The following PTPRT variants were observed in gnomAD, a reference collection of about 807,000 sequenced individuals.
PTPRT encodes receptor-type tyrosine-protein phosphatase T.
In PTPRT, 56 loss-of-function variants were observed where a neutral mutation model predicts 176.8. That is an observed-to-expected ratio of 0.32 (90% CI 0.26 to 0.40). The LOEUF is 0.40. Ranked by LOEUF, PTPRT falls within the 10% of genes least tolerant of loss-of-function variation. PTPRT has a pLI of 1.00. For missense variants in PTPRT, 1,540 were observed against 1,908.2 expected (o/e 0.81, Z 3.60); for synonymous variants, 783 against 739.0 (o/e 1.06, Z -0.96).
chr20:42,141,825 A>G (rs2146416706), intron 18 of PTPRT, 90 bp downstream of exon 18: 3 of 1,221,544 alleles, frequency 2.5e-6, no homozygotes, highest in Non-Finnish European at 3.6e-6. Flanking sequence ...AGATTATTTG[A>G]TAACAAATTC....
chr20:42,926,438 T>C (rs151021511), intron 1 of PTPRT, among the ~76,000 whole-genome samples: 1 of 152,318 alleles, frequency 6.6e-6, no homozygotes, highest in African/African-American at 2.4e-5. Context: ...TTCACCCCAC[T>C]GTGCCTTATG....
chr20:42,073,243 A>C lies in PTPRT; in HGVS notation c.*7636T>G, dbSNP rs904234978. The C allele has an allele frequency of 2.1e-5, 4 of 189,508 alleles. No individual in the cohort carries two copies. Among genetic ancestry groups the C allele is most frequent in the Admixed American group, 1.2e-4 (2 of 16,224 alleles). 11.7% of individuals were successfully genotyped at this position (189,508 alleles called of 1,614,324 possible). On this transcript the variant is annotated 3_prime_UTR_variant, in exon 31 of 31. Coordinates refer to ENST00000373187, the MANE Select transcript of PTPRT (RefSeq NM_007050.6). ...TGTCCAGAAGCCAAGGCAATGGTAGAGGCCACAACTCTTTGTCTTTGATTG... is the reference window on the plus strand; with the variant it reads ...TGTCCAGAAGCCAAGGCAATGGTAGCGGCCACAACTCTTTGTCTTTGATTG...
chr20:42,189,054 T>G (rs889757137), intron 16 of PTPRT, among the ~76,000 whole-genome samples: 11 of 152,196 alleles, frequency 7.2e-5, no homozygotes, highest in Non-Finnish European at 1.6e-4. Context: ...TTACCCTTCC[T>G]GGAAAGTGAA....
chr20:42,810,853 C>T (rs1000392578), intron 2 of PTPRT, among the ~76,000 whole-genome samples: 23 of 152,308 alleles, frequency 1.5e-4, no homozygotes, highest in East Asian at 5.8e-4. Context: ...CCGTCCAACC[C>T]GCCCCAGGTC....
intron 15 of PTPRT, among the ~76,000 whole-genome samples, chr20:42,220,100 C>A (rs959689566): frequency 9.9e-5 from 15 of 151,552 alleles, no homozygotes; most frequent in Non-Finnish European, 1.3e-4. Context: ...TTATAATGAA[C>A]AATTAGAATC....
intron 21 of PTPRT, 78 bp downstream of exon 21, chr20:42,118,325 C>A: frequency 7.6e-7 from 1 of 1,317,764 alleles, no homozygotes; most frequent in South Asian, 1.4e-5. Flanking sequence ...AGGCACTTAG[C>A]ACGATGCATG....
At chr20:43,160,292 G>A (rs2014655956) in intron 1 of PTPRT, among the ~76,000 whole-genome samples, 1 of 152,158 alleles carries the variant, frequency 6.6e-6, no homozygotes, top group Non-Finnish European at 1.5e-5. Flanking sequence ...AGTTGACCAC[G>A]CTGAGACGGA....
At chr20:42,522,801 G>A (rs1276648691) in intron 7 of PTPRT, among the ~76,000 whole-genome samples, 4 of 151,944 alleles carry the variant, frequency 2.6e-5, no homozygotes, top group Admixed American at 6.6e-5. Context: ...TTTTTATTTC[G>A]ATTATCTTCT....
chr20:43,185,561 G>A (rs1378863625), intron 1 of PTPRT, among the ~76,000 whole-genome samples: 2 of 152,180 alleles, frequency 1.3e-5, no homozygotes, highest in African/African-American at 4.8e-5. Context: ...AGATTTACTA[G>A]TGTCATCTGT....
chr20:42,204,445 G>A (rs1382046305), intron 15 of PTPRT, among the ~76,000 whole-genome samples: 1 of 152,052 alleles, frequency 6.6e-6, no homozygotes, highest in Non-Finnish European at 1.5e-5. Context: ...TTTGCCAACT[G>A]GGTCACACAA....
At chr20:42,092,578 C>A (rs1025610787) in intron 27 of PTPRT, among the ~76,000 whole-genome samples, 1 of 152,170 alleles carries the variant, frequency 6.6e-6, no homozygotes, top group Admixed American at 6.5e-5. Context: ...TTTACTGTTA[C>A]CCCTACCATT....
chr20:42,645,762 TTATGTG>T (rs2074878643), intron 7 of PTPRT, among the ~76,000 whole-genome samples: 1 of 127,864 alleles, frequency 7.8e-6, no homozygotes, highest in African/African-American at 3.2e-5. Flanking sequence ...GGATGTGTAT[TTATGTG>T]TGTGTGTGTG....
At chr20:43,142,601 T>G (rs1422548984) in intron 1 of PTPRT, among the ~76,000 whole-genome samples, 1 of 129,876 alleles carries the variant, frequency 7.7e-6, no homozygotes, top group Non-Finnish European at 1.8e-5. Flanking sequence ...TCACATATAT[T>G]TCAAGGTAAA....
chr20:42,204,314 AT>A (rs1243341451), intron 15 of PTPRT, among the ~76,000 whole-genome samples: 4 of 152,122 alleles, frequency 2.6e-5, no homozygotes, highest in African/African-American at 4.8e-5. Context: ...AAAAAATCTC[AT>A]GCAATAGTCA....
chr20:42,916,178 T>C (rs1600553086), intron 1 of PTPRT, among the ~76,000 whole-genome samples: 1 of 139,342 alleles, frequency 7.2e-6, no homozygotes, highest in African/African-American at 2.6e-5. Context: ...TGTGTTCTCA[T>C]TGTTCAATTC....
At chr20:42,926,120 C>T (rs1245469191) in intron 1 of PTPRT, among the ~76,000 whole-genome samples, 3 of 152,220 alleles carry the variant, frequency 2.0e-5, no homozygotes, top group African/African-American at 7.2e-5. Context: ...GCCTGTGGGT[C>T]TGACCTGCAG....
At chr20:42,809,006 T>C (rs2077656150) in intron 2 of PTPRT, among the ~76,000 whole-genome samples, 1 of 152,126 alleles carries the variant, frequency 6.6e-6, no homozygotes, top group Non-Finnish European at 1.5e-5. Flanking sequence ...GGTGAAGGAA[T>C]CTGGGAAACG....
At chr20:42,672,000 C>T (rs1360096879) in intron 7 of PTPRT, among the ~76,000 whole-genome samples, 1 of 152,214 alleles carries the variant, frequency 6.6e-6, no homozygotes, top group East Asian at 1.9e-4. Flanking sequence ...ACATCTTCAC[C>T]TCCAACACAA....
At chr20:43,133,520 C>T (rs185194088) in intron 1 of PTPRT, among the ~76,000 whole-genome samples, 489 of 151,990 alleles carry the variant, frequency 3.2e-3, no homozygotes, top group Non-Finnish European at 5.2e-3. Flanking sequence ...CCGAGGCAGG[C>T]GGATCACGAG....
Sources: allele counts gnomAD v4.1 joint callset (sites outside exome capture counted in the v4.1 genomes callset), GRCh38; gene constraint gnomAD v4.1.1; transcripts MANE v1.5; gene names NCBI Gene and HGNC (gene_info 2026-07-23, HGNC 2026-07-21).